The following MMP16 variants were observed in gnomAD, a reference collection of about 807,000 sequenced individuals.
The protein encoded by MMP16 is matrix metalloproteinase-16.
A neutral mutation model predicts 67.8 loss-of-function variants in MMP16; 12 were observed. The ratio of observed to expected loss-of-function variants is 0.18; its 90% CI spans 0.11 to 0.29. MMP16 has a LOEUF of 0.29. Among genes scored for constraint, MMP16 ranks in the 10% least tolerant of loss-of-function variants. The pLI is 1.00. For synonymous variants in MMP16, 249 were observed against 255.9 expected (o/e 0.97, Z 0.26); for missense variants, 475 against 765.7 (o/e 0.62, Z 4.48).
chr8:88,032,019 T>C lies in MMP16; in HGVS notation c.*9442A>G, dbSNP rs1437153578. On this transcript the variant is annotated 3_prime_UTR_variant, in exon 10 of 10. Coordinates refer to ENST00000286614, the MANE Select transcript of MMP16 (RefSeq NM_005941.5). ...ACAATGTCTATGAACCATTTTTCTG[T>C]TCTCTTATTTATTGACAGTTTCTTT... 2 of 152,184 alleles carry C rather than the reference T, an allele frequency of 1.3e-5. No individual in the cohort carries two copies. The highest frequency in any genetic ancestry group is 2.9e-5 in the Non-Finnish European group (2 of 68,024). The allele number at this position is 152,184 out of a possible 1,614,324, so 9.4% of individuals were successfully genotyped here.
chr8:88,127,772 A>C (rs777244061), intron 4 of MMP16, among the ~76,000 whole-genome samples: 2 of 151,898 alleles, frequency 1.3e-5, no homozygotes, highest in Non-Finnish European at 2.9e-5. Context: ...AATAATGAAT[A>C]ATTAGCAGGA....
chr8:88,213,704 C>A (rs942157354), intron 1 of MMP16, among the ~76,000 whole-genome samples: 2 of 152,130 alleles, frequency 1.3e-5, no homozygotes, highest in African/African-American at 4.8e-5. Context: ...CTTTCTGAGC[C>A]TATGGCCCTG....
At chr8:88,205,420 C>A (rs1278005684) in intron 1 of MMP16, among the ~76,000 whole-genome samples, 9 of 152,104 alleles carry the variant, frequency 5.9e-5, no homozygotes, top group Admixed American at 5.9e-4. Flanking sequence ...AGTTTTTATG[C>A]AAACAAAACA....
intron 1 of MMP16, among the ~76,000 whole-genome samples, chr8:88,269,660 A>G (rs1023338131): frequency 4.6e-5 from 7 of 152,286 alleles, no homozygotes; most frequent in African/African-American, 1.7e-4. Context: ...ATCACTCCCT[A>G]GAAATAATCA....
At chr8:88,190,447 T>C (rs1477669965) in intron 2 of MMP16, among the ~76,000 whole-genome samples, 4 of 152,194 alleles carry the variant, frequency 2.6e-5, no homozygotes, top group Non-Finnish European at 5.9e-5. Flanking sequence ...TCCCAATGGA[T>C]ATAAAGAATG....
intron 1 of MMP16, among the ~76,000 whole-genome samples, chr8:88,226,631 T>G (rs943508358): frequency 1.3e-5 from 2 of 152,040 alleles, no homozygotes; most frequent in African/African-American, 4.8e-5. Flanking sequence ...TCTTAACTCT[T>G]TCTACTAGGA....
intron 1 of MMP16, among the ~76,000 whole-genome samples, chr8:88,320,559 T>C (rs1337881542): frequency 6.6e-6 from 1 of 152,186 alleles, no homozygotes; most frequent in East Asian, 1.9e-4. Flanking sequence ...TCTTAGTTCA[T>C]CAAATATGTA....
chr8:88,107,088 T>G (rs1809255062), intron 6 of MMP16, among the ~76,000 whole-genome samples: 2 of 151,348 alleles, frequency 1.3e-5, no homozygotes, highest in East Asian at 3.9e-4. Flanking sequence ...GGAATTTACT[T>G]AGATTTTTTT....
At chr8:88,316,631 C>T (rs529468661) in intron 1 of MMP16, among the ~76,000 whole-genome samples, 2 of 152,090 alleles carry the variant, frequency 1.3e-5, no homozygotes, top group African/African-American at 2.4e-5. Flanking sequence ...TCTGGTCACC[C>T]AGAGCTCTGA....
At chr8:88,263,377 T>A (rs1810421470) in intron 1 of MMP16, among the ~76,000 whole-genome samples, 1 of 152,164 alleles carries the variant, frequency 6.6e-6, no homozygotes, top group Admixed American at 6.5e-5. Context: ...AGAGCAGGGC[T>A]TAAATTACAG....
intron 4 of MMP16, among the ~76,000 whole-genome samples, chr8:88,163,684 T>C (rs947978859): frequency 6.6e-6 from 1 of 152,080 alleles, no homozygotes; most frequent in African/African-American, 2.4e-5. Context: ...GATAGCACCA[T>C]TTTAACTTTA....
intron 3 of MMP16, among the ~76,000 whole-genome samples, chr8:88,171,986 C>A (rs1204785253): frequency 6.6e-6 from 1 of 152,058 alleles, no homozygotes; most frequent in African/African-American, 2.4e-5. Context: ...ACCAGTACAG[C>A]CAGTGAATTT....
In MMP16 at chr8:88,036,322, T is replaced by C. The variant is rs1808052853; in HGVS notation, c.*5139A>G. 6.6e-6 allele frequency: 1 copy of C among 151,830 alleles called. No individual in the cohort carries two copies. Among genetic ancestry groups the C allele is most frequent in the Admixed American group, 6.6e-5 (1 of 15,206 alleles). 9.4% of individuals were successfully genotyped at this position (151,830 alleles called of 1,614,324 possible). A position where few individuals can be genotyped will look rare whatever the true frequency, so the allele number is the denominator to read the frequency against. On this transcript the variant is annotated 3_prime_UTR_variant, in exon 10 of 10. Transcript: ENST00000286614. ...CTCCACTATTTTATGCTTGCTAAAG[T>C]AAAATTTCCAGTTGTATTATCAAGG...
intron 3 of MMP16, among the ~76,000 whole-genome samples, chr8:88,172,908 G>A (rs1933103541): frequency 6.6e-6 from 1 of 152,014 alleles, no homozygotes; most frequent in Non-Finnish European, 1.5e-5. Flanking sequence ...GTTGAGAAAA[G>A]AGAAGCAAAA....
At position 88,167,822 on chromosome 8, in the gene MMP16, T is replaced by C; in HGVS notation, c.556A>G (p.Ile186Val). The change falls in exon 4 of 10, where the codon ATT (isoleucine) becomes GTT (valine). Residue 186 changes from isoleucine to valine, a missense_variant. Physicochemically the swap from Ile to Val is conservative, Grantham distance 29. Transcript: ENST00000286614. The stretch of plus-strand genomic sequence containing the variant: ...CCATGGAAACCAGATGCAAAAATAA[T>C]GGTTATATCCACATCACGTTTGCCA... ...ENGKRDVDITIIFASGFHGDS... is the reference protein window; with the variant it reads ...ENGKRDVDITVIFASGFHGDS... 3 of 1,614,022 alleles carry C rather than the reference T, an allele frequency of 1.9e-6. No homozygotes were observed. Among genetic ancestry groups the C allele is most frequent in the Non-Finnish European group, 2.5e-6 (3 of 1,179,970 alleles).
intron 1 of MMP16, among the ~76,000 whole-genome samples, chr8:88,294,432 GTA>G (rs766651974): frequency 4.8e-4 from 72 of 150,360 alleles, no homozygotes; most frequent in Admixed American, 1.7e-3. Context: ...ATACACATAT[GTA>G]TATGTCTATA....
chr8:88,210,958 T>A (rs1809503579), intron 1 of MMP16, among the ~76,000 whole-genome samples: 1 of 152,134 alleles, frequency 6.6e-6, no homozygotes, highest in South Asian at 2.1e-4. Context: ...GAGATTGGTA[T>A]TATTATCTTC....
In MMP16 at chr8:88,035,869, T is replaced by C. The variant is rs1808047718; in HGVS notation, c.*5592A>G. 1 of 152,010 alleles carries C rather than the reference T, an allele frequency of 6.6e-6. No homozygotes were observed. The highest frequency in any genetic ancestry group is 2.4e-5 in the African/African-American group (1 of 41,438). The allele number at this position is 152,010 out of a possible 1,614,324, so 9.4% of individuals were successfully genotyped here. A position where few individuals can be genotyped will look rare whatever the true frequency, so the allele number is the denominator to read the frequency against. ...TCAAAGTAGACATACGTATAAAATATTGAAACATATATTTGTAATTGGATG... is the reference window on the plus strand; with the variant it reads ...TCAAAGTAGACATACGTATAAAATACTGAAACATATATTTGTAATTGGATG... On this transcript the variant is annotated 3_prime_UTR_variant, in exon 10 of 10. Coordinates refer to ENST00000286614, the MANE Select transcript of MMP16 (RefSeq NM_005941.5). This position sits in a 1 kb window ranked among gnomAD's most constrained non-coding sequence, Gnocchi z 4.7.
intron 6 of MMP16, among the ~76,000 whole-genome samples, chr8:88,111,635 T>A (rs1334149169): frequency 2.0e-5 from 3 of 151,194 alleles, no homozygotes; most frequent in African/African-American, 7.3e-5. Context: ...TATTGAAGAG[T>A]TTTTAGCAGT....
Sources: allele counts gnomAD v4.1 joint callset (sites outside exome capture counted in the v4.1 genomes callset), GRCh38; gene constraint gnomAD v4.1.1; non-coding constraint Gnocchi (gnomAD v3.1); transcripts MANE v1.5; gene names NCBI Gene and HGNC (gene_info 2026-07-23, HGNC 2026-07-21).